The following ERCC3 variants were observed in gnomAD, a reference collection of about 807,000 sequenced individuals.
ERCC3 encodes ERCC excision repair 3, TFIIH core complex helicase subunit, also known as general transcription and DNA repair factor IIH helicase/translocase subunit XPB.
In ERCC3, 66 loss-of-function variants were observed where a neutral mutation model predicts 94.2. That is an observed-to-expected ratio of 0.70 (90% CI 0.57 to 0.86). ERCC3 has a LOEUF of 0.86. Among genes scored for constraint, ERCC3 ranks in the 40% least tolerant of loss-of-function variants. The probability of loss-of-function intolerance (pLI) is 0.00; values close to 1 mark genes in which losing one functional copy is unlikely to be tolerated. For missense variants in ERCC3, 829 were observed against 987.1 expected (o/e 0.84, Z 2.15); for synonymous variants, 349 against 369.1 (o/e 0.95, Z 0.63).
At chr2:127,273,133 T>G (rs1387009379) in intron 10 of ERCC3, among the ~76,000 whole-genome samples, 172 bp from the exon 11 acceptor site, 1 of 152,200 alleles carries the variant, frequency 6.6e-6, no homozygotes, top group African/African-American at 2.4e-5. Context: ...CCTCCCAGCC[T>G]TCCCCACTGA....
chr2:127,271,031 T>C lies in ERCC3; in HGVS notation c.1945+305A>G, dbSNP rs535951437. On this transcript the variant is annotated intron_variant, in intron 12 of 14. Coordinates refer to ENST00000285398, the MANE Select transcript of ERCC3 (RefSeq NM_000122.2). The surrounding 1 kb of genome is among the most constrained non-coding windows in gnomAD (Gnocchi z 5.0). ...GCCCAGCTCTGTTTTCTCCCTTCCA[T>C]GTCTACCCCATAAGCACTGCCTTGC... Among the ~76,000 whole-genome samples, 15 of 152,296 alleles carry C rather than the reference T, an allele frequency of 9.8e-5. No individual in the cohort carries two copies. Among genetic ancestry groups the C allele is most frequent in the Admixed American group, 2.6e-4 (4 of 15,292 alleles).
intron 12 of ERCC3, among the ~76,000 whole-genome samples, chr2:127,263,952 C>T (rs1356238815): frequency 2.0e-5 from 3 of 151,994 alleles, no homozygotes; most frequent in East Asian, 1.9e-4. Flanking sequence ...TGTTGTGATC[C>T]GCCCACCTCG....
intron 10 of ERCC3, among the ~76,000 whole-genome samples, chr2:127,275,322 G>A (rs543360197): frequency 6.6e-5 from 10 of 152,244 alleles, no homozygotes; most frequent in African/African-American, 1.7e-4. Context: ...GAGCCACTGC[G>A]CCTGGCCCGC....
In ERCC3 at chr2:127,279,299, G is replaced by T; in HGVS notation, c.1604C>A (p.Thr535Asn). 6.2e-7 allele frequency: 1 copy of T among 1,613,952 alleles called. No homozygotes were observed. The highest frequency in any genetic ancestry group is 8.5e-7 in the Non-Finnish European group (1 of 1,179,836). ...AGCTCTAAATTTGTTGGGGTTCATG[G>T]TGTACAGCAAGATTCGTTTCTTGGT... ...IKTKKRILLY[T>N]MNPNKFRACQ... Residue 535 changes from threonine (T) to asparagine (N), a missense_variant, in exon 10 of 15, where the codon ACC becomes AAC. Coordinates refer to ENST00000285398, the MANE Select transcript of ERCC3 (RefSeq NM_000122.2). The surrounding 1 kb of genome is among the most constrained non-coding windows in gnomAD (Gnocchi z 4.7).
At chr2:127,267,776 C>T (rs903721614) in intron 12 of ERCC3, among the ~76,000 whole-genome samples, 1 of 152,116 alleles carries the variant, frequency 6.6e-6, no homozygotes, top group African/African-American at 2.4e-5. Context: ...ACTCTCAAGA[C>T]TCTCTTGTAG....
At position 127,279,940 on chromosome 2, in the gene ERCC3, GA is replaced by G. The variant is rs1684854144; in HGVS notation, c.1527+506del. Among the ~76,000 whole-genome samples the G allele has an allele frequency of 6.6e-6, 1 of 152,152 alleles. No homozygotes were observed. Among genetic ancestry groups the G allele is most frequent in the Admixed American group, 6.5e-5 (1 of 15,272 alleles). On this transcript the variant is annotated intron_variant, in intron 9 of 14. Coordinates refer to ENST00000285398, the MANE Select transcript of ERCC3 (RefSeq NM_000122.2). The surrounding 1 kb of genome is among the most constrained non-coding windows in gnomAD (Gnocchi z 4.7). ...ATTTTCACACCAGCTGCAAGTGTGC[GA>G]AACCAGATTCTCAATTGGTAGTGTC...
In ERCC3 at chr2:127,266,358, G is replaced by GAC. The variant is rs367687236; in HGVS notation, c.1945+4977_1945+4978insGT. Among the ~76,000 whole-genome samples the GAC allele has an allele frequency of 2.6e-3, 279 of 107,830 alleles. 1 individual carries two copies. The highest frequency in any genetic ancestry group is 0.011 in the African/African-American group (254 of 22,484). The allele number at this position is 107,830 out of a possible 152,430, so 70.7% of individuals were successfully genotyped here. A position where few individuals can be genotyped will look rare whatever the true frequency, so the allele number is the denominator to read the frequency against. ...CTTTTTTTTTTTTTTTTTTTTTTGA[G>GAC]AGAGTCTCGCTCTGTTGCCCAGGCT... On this transcript the variant is annotated intron_variant, in intron 12 of 14. Transcript: ENST00000285398.
At position 127,277,085 on chromosome 2, in the gene ERCC3, G is replaced by A. The variant is rs1186315683; in HGVS notation, c.1730+2088C>T. On this transcript the variant is annotated intron_variant, in intron 10 of 14. Coordinates refer to ENST00000285398, the MANE Select transcript of ERCC3 (RefSeq NM_000122.2). This position sits in a 1 kb window ranked among gnomAD's most constrained non-coding sequence, Gnocchi z 5.1. The stretch of plus-strand genomic sequence containing the variant: ...CAAAATGAGTAACCAAGAGGGTGGA[G>A]ATTTCAGGGTGGGAAACACAACAAA... 6.6e-6 allele frequency among the ~76,000 whole-genome samples: 1 copy of A among 152,192 alleles called. No individual in the cohort carries two copies. Among genetic ancestry groups the A allele is most frequent in the African/African-American group, 2.4e-5 (1 of 41,446 alleles).
intron 8 of ERCC3, among the ~76,000 whole-genome samples, chr2:127,285,280 C>T (rs1685028767): frequency 6.6e-6 from 1 of 152,122 alleles, no homozygotes. Context: ...ATCATGGTGG[C>T]CGAATGCAGT....
In ERCC3 at chr2:127,259,173, T is replaced by C. The variant is rs551298119; in HGVS notation, c.2217+123A>G. Reference sequence around the variant, plus strand: ...TGTTTCTGTTCATCTCTTCCGTGTTTTCCAACATTTCCAAAAAAATCCCAT... The same window carrying C: ...TGTTTCTGTTCATCTCTTCCGTGTTCTCCAACATTTCCAAAAAAATCCCAT... On this transcript the variant is annotated intron_variant, in intron 14 of 14. Coordinates refer to ENST00000285398, the MANE Select transcript of ERCC3 (RefSeq NM_000122.2). The surrounding 1 kb of genome is among the most constrained non-coding windows in gnomAD (Gnocchi z 4.9). 154 of 1,128,584 alleles carry C rather than the reference T, an allele frequency of 1.4e-4. No individual in the cohort carries two copies. Among genetic ancestry groups the C allele is most frequent in the Admixed American group, 2.5e-4 (13 of 52,358 alleles). The allele number at this position is 1,128,584 out of a possible 1,614,324, so 69.9% of individuals were successfully genotyped here.
intron 12 of ERCC3, among the ~76,000 whole-genome samples, chr2:127,270,064 T>C (rs1219107822): frequency 1.3e-5 from 2 of 151,254 alleles, no homozygotes; most frequent in Non-Finnish European, 3.0e-5. Flanking sequence ...GTTTTCAAAT[T>C]AGAGTAAGGA....
intron 10 of ERCC3, among the ~76,000 whole-genome samples, chr2:127,276,312 G>A (rs1186969530): frequency 1.3e-5 from 2 of 152,116 alleles, no homozygotes; most frequent in Admixed American, 1.3e-4. Flanking sequence ...AACCCACTAA[G>A]CCACACAGAA....
At chr2:127,282,417 T>C (rs1359207552) in intron 8 of ERCC3, among the ~76,000 whole-genome samples, 2 of 152,168 alleles carry the variant, frequency 1.3e-5, no homozygotes, top group African/African-American at 2.4e-5. Flanking sequence ...TCTCAATAAA[T>C]ACCTGTAGAA....
At position 127,279,148 on chromosome 2, in the gene ERCC3, G is replaced by A. The variant is rs140206503; in HGVS notation, c.1730+25C>T. 21 of 1,529,002 alleles carry A rather than the reference G, an allele frequency of 1.4e-5. No individual in the cohort carries two copies. The East Asian group carries it at 4.0e-4, about 29-fold the overall frequency. The allele number at this position is 1,529,002 out of a possible 1,614,324, so 94.7% of individuals were successfully genotyped here. ...ATGGGGAAGAGAAACTGGCCTGGAG[G>A]AAGCTCCAAGTTTTCAATTCTTACT... On this transcript the variant is annotated intron_variant, in intron 10 of 14. Coordinates refer to ENST00000285398, the MANE Select transcript of ERCC3 (RefSeq NM_000122.2). This position sits in a 1 kb window ranked among gnomAD's most constrained non-coding sequence, Gnocchi z 4.7.
chr2:127,275,228 C>CT (rs996394210), intron 10 of ERCC3, among the ~76,000 whole-genome samples: 1 of 152,038 alleles, frequency 6.6e-6, no homozygotes, highest in African/African-American at 2.4e-5. Context: ...TGGGGTCTCA[C>CT]TATATTGCCC....
chr2:127,271,340 T>C lies in ERCC3; in HGVS notation c.1941A>G (p.Lys647=), dbSNP rs2104747747. 1 of 1,611,900 alleles carries C rather than the reference T, an allele frequency of 6.2e-7. No individual in the cohort carries two copies. The highest frequency in any genetic ancestry group is 1.3e-5 in the African/African-American group (1 of 74,954). The stretch of plus-strand genomic sequence containing the variant: ...GAAGATGAAAGGCCACTTTACCTTT[T>C]TTAGCTCGAAGCACCCGCCCTAGCC... ...AQRLGRVLRA[K]KGMVAEEYNA... is the part of the protein sequence containing the mutation. The change falls in exon 12 of 15, where the codon AAA becomes AAG. Residue 647 remains lysine, a synonymous_variant. Transcript: ENST00000285398. This position sits in a 1 kb window ranked among gnomAD's most constrained non-coding sequence, Gnocchi z 5.0.
chr2:127,289,614 G>A lies in ERCC3; in HGVS notation c.657+75C>T, dbSNP rs577494476. 276 of 1,605,916 alleles carry A rather than the reference G, an allele frequency of 1.7e-4. 5 individuals carry two copies. In the South Asian group the frequency reaches 2.3e-3, roughly 14 times the overall value. On this transcript the variant is annotated intron_variant, in intron 5 of 14. Transcript: ENST00000285398. ...GCAGGGCTGCTAGGTTGTAAGTGCT[G>A]GGTTAAAGACACCTGAGAGAACTGA... is the stretch of plus-strand genomic sequence containing the variant.
At chr2:127,266,706 ATTATTTTTTTT>A (rs1340991459) in intron 12 of ERCC3, among the ~76,000 whole-genome samples, 328 of 130,770 alleles carry the variant, frequency 2.5e-3, no homozygotes, top group African/African-American at 9.3e-3. Flanking sequence ...CACATGATCA[ATTATTTTTTTT>A]TTTTTTTTTT....
intron 8 of ERCC3, among the ~76,000 whole-genome samples, chr2:127,281,721 C>A (rs1181923285): frequency 6.6e-6 from 1 of 152,088 alleles, no homozygotes; most frequent in Non-Finnish European, 1.5e-5. Flanking sequence ...TTAGTTTTTA[C>A]ATCTACATGG....
Sources: gnomAD v4.1 joint callset for allele counts (sites outside exome capture counted in the v4.1 genomes callset) on GRCh38, gnomAD v4.1.1 for gene constraint, Gnocchi (gnomAD v3.1) non-coding constraint, MANE v1.5 for transcripts, NCBI Gene and HGNC (gene_info 2026-07-23, HGNC 2026-07-21) for gene names.